Variants in ARMC3 observed in about 807,000 individuals in gnomAD.
ARMC3 encodes armadillo repeat containing 3.
Under a neutral mutation model 90.3 loss-of-function variants are expected in ARMC3, and 74 were observed. The observed-to-expected ratio is 0.82, with a 90% CI of 0.68 to 0.99. The LOEUF is 0.99. Ranked by LOEUF, ARMC3 falls within the 50% of genes least tolerant of loss-of-function variation. ARMC3 has a pLI of 0.00. For synonymous variants in ARMC3, 334 were observed against 361.8 expected (o/e 0.92, Z 0.87); for missense variants, 958 against 1,042.8 (o/e 0.92, Z 1.12).
chr10:23,037,767 T>G lies in ARMC3; in HGVS notation c.*288T>G, dbSNP rs1001231501. The G allele has an allele frequency of 2.6e-5, 7 of 268,666 alleles. No homozygotes were observed. The highest frequency in any genetic ancestry group is 4.9e-5 in the Non-Finnish European group (7 of 141,646). The allele number at this position is 268,666 out of a possible 1,614,324, so 16.6% of individuals were successfully genotyped here. A position where few individuals can be genotyped will look rare whatever the true frequency, so the allele number is the denominator to read the frequency against. ...AGCCCACTGTGTCCTGAGGAGCGTC[T>G]CTGTCATTTAGGAATCACATGTAGC... On this transcript the variant is annotated 3_prime_UTR_variant, in exon 19 of 19. Coordinates refer to ENST00000298032, the MANE Select transcript of ARMC3 (RefSeq NM_173081.5).
chr10:22,973,404 A>G (rs1354522204), intron 8 of ARMC3, among the ~76,000 whole-genome samples: 1 of 150,824 alleles, frequency 6.6e-6, no homozygotes, highest in African/African-American at 2.4e-5. Context: ...ATATTCTTTG[A>G]GGCCTGGTAT....
At chr10:22,973,212 T>C (rs943511159) in intron 8 of ARMC3, among the ~76,000 whole-genome samples, 1 of 151,504 alleles carries the variant, frequency 6.6e-6, no homozygotes, top group African/African-American at 2.4e-5. Flanking sequence ...GGAAGGAAGA[T>C]CACTTGAGCC....
intron 3 of ARMC3, among the ~76,000 whole-genome samples, chr10:22,947,289 G>A (rs1834567536): frequency 6.6e-6 from 1 of 150,700 alleles, no homozygotes. Flanking sequence ...CTGGGCAGCA[G>A]AGAGAGACCC....
chr10:23,009,486 G>GTGTTT (rs143027846), intron 16 of ARMC3, among the ~76,000 whole-genome samples: 89,324 of 151,040 alleles, frequency 0.59, 28,405 homozygotes, highest in Non-Finnish European at 0.71. Context: ...TTTGAGGTCT[G>GTGTTT]TGTTTTGTTT....
intron 7 of ARMC3, among the ~76,000 whole-genome samples, chr10:22,963,892 C>T (rs1835313729): frequency 2.7e-4 from 2 of 7,340 alleles, no homozygotes; most frequent in Non-Finnish European, 8.1e-4. Context: ...CTGTCTCACA[C>T]ACACACACAC....
intron 8 of ARMC3, among the ~76,000 whole-genome samples, chr10:22,972,059 TA>T (rs1835705619): frequency 6.6e-6 from 1 of 152,226 alleles, no homozygotes. Context: ...GATGCTAAGT[TA>T]CAGAAGTTCT....
intron 3 of ARMC3, among the ~76,000 whole-genome samples, chr10:22,946,917 C>T (rs1021044869): frequency 5.9e-5 from 9 of 152,130 alleles, no homozygotes; most frequent in South Asian, 2.1e-4. Flanking sequence ...CTCAGCACTT[C>T]GGGAGGCCAA....
chr10:22,985,337 C>T (rs976590137), intron 10 of ARMC3, among the ~76,000 whole-genome samples: 3 of 152,150 alleles, frequency 2.0e-5, no homozygotes, highest in Non-Finnish European at 4.4e-5. Flanking sequence ...TTGTCCCACT[C>T]ACTGGGTATA....
chr10:22,946,544 A>T (rs1834533216), intron 3 of ARMC3: 2 of 235,242 alleles, frequency 8.5e-6, no homozygotes, highest in Non-Finnish European at 1.7e-5. Context: ...AACTCCCAAT[A>T]GTCAAGGCTG....
Position 22,959,533 on chromosome 10 carries a change from G to A in ARMC3, c.496G>A (p.Val166Ile). 6.2e-7 allele frequency: 1 copy of A among 1,610,596 alleles called. No individual in the cohort carries two copies. The highest frequency in any genetic ancestry group is 1.1e-5 in the South Asian group (1 of 89,930). The change falls in exon 6 of 19, where the codon GTA becomes ATA. Residue 166 changes from valine to isoleucine, a missense_variant. Transcript: ENST00000298032. ...IRLLSSPDPD[V>I]KKNSMECIYN... The stretch of plus-strand genomic sequence containing the variant: ...ACTACTGAGTAGCCCTGACCCGGAT[G>A]TAAAGAAGAACTCTATGGAATGCAT...
chr10:22,938,887 G>C (rs1259990285), intron 2 of ARMC3, among the ~76,000 whole-genome samples: 5 of 152,146 alleles, frequency 3.3e-5, no homozygotes, highest in Non-Finnish European at 5.9e-5. Context: ...ATGGAGGCCT[G>C]ACAATTAAAT....
intron 4 of ARMC3, among the ~76,000 whole-genome samples, chr10:22,958,453 A>G (rs1014732934): frequency 3.3e-5 from 5 of 152,166 alleles, no homozygotes; most frequent in African/African-American, 1.2e-4. Context: ...TTACACAATA[A>G]ATAAACGTAG....
intron 16 of ARMC3, among the ~76,000 whole-genome samples, chr10:23,026,786 T>A (rs950438707): frequency 8.5e-5 from 13 of 152,224 alleles, no homozygotes; most frequent in Non-Finnish European, 1.6e-4. Context: ...GGTTTATGCC[T>A]CTACTAGCAC....
At chr10:23,004,425 A>C (rs972728814) in intron 13 of ARMC3, among the ~76,000 whole-genome samples, 1 of 152,172 alleles carries the variant, frequency 6.6e-6, no homozygotes, top group Non-Finnish European at 1.5e-5. Flanking sequence ...TGCAGGAAGA[A>C]AAAGGAAAAG....
chr10:22,932,149 C>A, intron 2 of ARMC3, 105 bp downstream of exon 2: 1 of 843,666 alleles, frequency 1.2e-6, no homozygotes. Context: ...TACGCGGTGG[C>A]AGAAGTCCAA....
intron 16 of ARMC3, among the ~76,000 whole-genome samples, chr10:23,014,871 G>A (rs1216288684): frequency 1.5e-5 from 2 of 130,186 alleles, no homozygotes; most frequent in Admixed American, 8.3e-5. Context: ...CAATACCTGA[G>A]TGATGAGATA....
intron 11 of ARMC3, among the ~76,000 whole-genome samples, chr10:23,000,886 C>T (rs955288114): frequency 6.6e-6 from 1 of 152,156 alleles, no homozygotes; most frequent in Non-Finnish European, 1.5e-5. Flanking sequence ...TGCAGCATTA[C>T]ATTTCAGACA....
At chr10:22,988,321 A>G (rs1486293218) in intron 10 of ARMC3, among the ~76,000 whole-genome samples, 1 of 152,224 alleles carries the variant, frequency 6.6e-6, no homozygotes, top group Admixed American at 6.5e-5. Flanking sequence ...TAGTGCTTCA[A>G]CAAAAATCAG....
intron 3 of ARMC3, among the ~76,000 whole-genome samples, chr10:22,948,254 G>T (rs2131196989): frequency 6.6e-6 from 1 of 152,118 alleles, no homozygotes; most frequent in African/African-American, 2.4e-5. Flanking sequence ...ATTTCAGGGA[G>T]ATATTGGATT....
Sources: allele counts gnomAD v4.1 joint callset (sites outside exome capture counted in the v4.1 genomes callset), GRCh38; gene constraint gnomAD v4.1.1; transcripts MANE v1.5; gene names NCBI Gene and HGNC (gene_info 2026-07-23, HGNC 2026-07-21).